NTM: variants seen among roughly 807,000 people sequenced by gnomAD.
The protein encoded by NTM is neurotrimin, also known as IgLON family member 2.
A neutral mutation model predicts 42.1 loss-of-function variants in NTM; 13 were observed. That is an observed-to-expected ratio of 0.31 (90% CI 0.20 to 0.49). The LOEUF is 0.49. NTM is among the 20% of genes least tolerant of loss of function. The probability of loss-of-function intolerance (pLI) is 0.99; values close to 1 mark genes in which losing one functional copy is unlikely to be tolerated. For missense variants in NTM, 373 were observed against 452.8 expected (o/e 0.82, Z 1.60); for synonymous variants, 187 against 179.2 (o/e 1.04, Z -0.35).
intron 3 of NTM, among the ~76,000 whole-genome samples, chr11:132,185,490 G>T (rs967039059): frequency 1.3e-5 from 2 of 152,160 alleles, no homozygotes; most frequent in East Asian, 3.9e-4. Flanking sequence ...ATTAGAGCTT[G>T]ATGCCTTCCA....
chr11:131,880,494 G>A (rs1196841081), intron 1 of NTM, among the ~76,000 whole-genome samples: 2 of 152,240 alleles, frequency 1.3e-5, no homozygotes, highest in Admixed American at 6.5e-5. Flanking sequence ...GGAAGAGAAA[G>A]TTTAAGCTGG....
intron 1 of NTM, among the ~76,000 whole-genome samples, chr11:131,559,338 T>C (rs2055896297): frequency 6.6e-6 from 1 of 152,374 alleles, no homozygotes; most frequent in Non-Finnish European, 1.5e-5. Flanking sequence ...CGACTGCTGG[T>C]ATTTCAATCG....
At chr11:132,125,787 G>C (rs2065706721) in intron 2 of NTM, among the ~76,000 whole-genome samples, 1 of 65,048 alleles carries the variant, frequency 1.5e-5, no homozygotes, top group Non-Finnish European at 3.5e-5. Flanking sequence ...CATGTGTGTT[G>C]TGTGTTGTGT....
intron 1 of NTM, among the ~76,000 whole-genome samples, chr11:131,768,853 G>A (rs568909305): frequency 6.6e-5 from 10 of 152,204 alleles, no homozygotes; most frequent in South Asian, 4.1e-4. Flanking sequence ...CTTCTAATCC[G>A]TGGGTCCAGA....
chr11:131,676,468 C>T (rs1022591389), intron 1 of NTM, among the ~76,000 whole-genome samples: 1 of 152,058 alleles, frequency 6.6e-6, no homozygotes, highest in African/African-American at 2.4e-5. Flanking sequence ...TGCCTGTGTA[C>T]ATGCGTGTGC....
chr11:132,160,472 CAT>C (rs2074046391), intron 3 of NTM, among the ~76,000 whole-genome samples: 2 of 152,302 alleles, frequency 1.3e-5, no homozygotes, highest in South Asian at 4.1e-4. Flanking sequence ...AAGAAAGATG[CAT>C]ATATAGCAAT....
chr11:131,575,785 C>T (rs2057872759), intron 1 of NTM, among the ~76,000 whole-genome samples: 1 of 152,084 alleles, frequency 6.6e-6, no homozygotes, highest in Non-Finnish European at 1.5e-5. Context: ...TCACCTGCAG[C>T]GCTTGGATGG....
intron 4 of NTM, among the ~76,000 whole-genome samples, chr11:132,238,218 G>GGGAGA (rs1396319372): frequency 1.3e-5 from 2 of 152,250 alleles, no homozygotes; most frequent in Admixed American, 1.3e-4. Flanking sequence ...TGGAGCTGAG[G>GGGAGA]GGAGAGGAGA....
intron 2 of NTM, among the ~76,000 whole-genome samples, chr11:132,095,399 G>T (rs111539732): frequency 6.6e-6 from 1 of 151,998 alleles, no homozygotes; most frequent in African/African-American, 2.4e-5. Context: ...GCTCTGCAGG[G>T]ACTGGCGGCT....
At chr11:132,229,434 A>G (rs1478832232) in intron 4 of NTM, among the ~76,000 whole-genome samples, 1 of 152,228 alleles carries the variant, frequency 6.6e-6, no homozygotes, top group East Asian at 1.9e-4. Context: ...GAATCAATCT[A>G]GTTACTGAAG....
chr11:131,900,306 A>T (rs1004561161), intron 1 of NTM, among the ~76,000 whole-genome samples: 6 of 152,376 alleles, frequency 3.9e-5, no homozygotes, highest in Non-Finnish European at 7.3e-5. Context: ...AGGGAAGAAG[A>T]AGTAGTTGCT....
intron 1 of NTM, among the ~76,000 whole-genome samples, chr11:131,600,504 C>G (rs2060385875): frequency 6.6e-6 from 1 of 152,148 alleles, no homozygotes; most frequent in Admixed American, 6.5e-5. Context: ...CTTTGTGCAG[C>G]AGGTTTCACA....
intron 3 of NTM, among the ~76,000 whole-genome samples, chr11:132,199,001 T>C (rs183339803): frequency 1.1e-3 from 174 of 152,326 alleles, no homozygotes; most frequent in African/African-American, 3.9e-3. Context: ...GCAAGCATCT[T>C]GTAAGACAAG....
At chr11:132,066,615 A>G (rs1031893495) in intron 2 of NTM, among the ~76,000 whole-genome samples, 4 of 152,010 alleles carry the variant, frequency 2.6e-5, no homozygotes, top group East Asian at 3.9e-4. Context: ...GGGATAATCT[A>G]TTTCTCATCT....
intron 1 of NTM, among the ~76,000 whole-genome samples, chr11:131,873,262 C>G (rs552726116): frequency 1.3e-5 from 2 of 151,656 alleles, no homozygotes; most frequent in Non-Finnish European, 2.9e-5. Flanking sequence ...AACACAGGAA[C>G]AGAAAACCAA....
rs7116366 is a variant in NTM, at chr11:132,300,705, G to A, written c.527-6984G>A. Among the ~76,000 whole-genome samples the A allele has an allele frequency of 7.5e-3, 1,148 of 152,236 alleles. 18 individuals are homozygous for A. The highest frequency in any genetic ancestry group is 0.026 in the African/African-American group (1,093 of 41,532). On this transcript the variant is annotated intron_variant, in intron 4 of 8. Coordinates refer to ENST00000683400, the MANE Select transcript of NTM (RefSeq NM_001352005.2). ...TGTCCCCAGCCTTGTCTAGCTTAGCGGCACAGATTTGCATTAATTCCATAT... is the reference window on the plus strand; with the variant it reads ...TGTCCCCAGCCTTGTCTAGCTTAGCAGCACAGATTTGCATTAATTCCATAT...
At chr11:131,677,850 A>G (rs1459246973) in intron 1 of NTM, among the ~76,000 whole-genome samples, 3 of 152,144 alleles carry the variant, frequency 2.0e-5, no homozygotes, top group Non-Finnish European at 4.4e-5. Flanking sequence ...CTCCTATGCC[A>G]TCCTTGGTGG....
intron 1 of NTM, among the ~76,000 whole-genome samples, chr11:131,799,520 G>C (rs2091926695): frequency 6.6e-6 from 1 of 152,158 alleles, no homozygotes; most frequent in African/African-American, 2.4e-5. Context: ...GGAAAAGAGG[G>C]GAGGCAATTC....
At chr11:132,126,593 GT>G (rs1393986299) in intron 2 of NTM, among the ~76,000 whole-genome samples, 2 of 152,306 alleles carry the variant, frequency 1.3e-5, no homozygotes, top group East Asian at 3.9e-4. Context: ...CCTAGCAGTT[GT>G]TTTTGGTTTT....
Sources: gnomAD v4.1 joint callset for allele counts (sites outside exome capture counted in the v4.1 genomes callset) on GRCh38, gnomAD v4.1.1 for gene constraint, MANE v1.5 for transcripts, NCBI Gene and HGNC (gene_info 2026-07-23, HGNC 2026-07-21) for gene names.